Variants in PHF20 observed in about 807,000 individuals in gnomAD.
PHF20 encodes the protein glioma-expressed antigen 2.
Under a neutral mutation model 113.5 loss-of-function variants are expected in PHF20, and 23 were observed. That is an observed-to-expected ratio of 0.20 (90% CI 0.15 to 0.29). The LOEUF (loss-of-function observed/expected upper bound fraction) is 0.29, where lower values mean the gene tolerates loss of function less well. Ranked by LOEUF, PHF20 falls within the 10% of genes least tolerant of loss-of-function variation. PHF20 has a pLI of 1.00. For synonymous variants in PHF20, 434 were observed against 457.3 expected, an observed-to-expected ratio of 0.95 and a Z score of 0.65; for missense variants, 943 against 1,219.6, an observed-to-expected ratio of 0.77 and a Z score of 3.38.
chr20:35,852,914 CT>C (rs780852616), intron 4 of PHF20, among the ~76,000 whole-genome samples: 116 of 141,824 alleles, frequency 8.2e-4, no homozygotes, highest in Middle Eastern at 3.7e-3. Flanking sequence ...TCTTTTTTTC[CT>C]TTTTTTTTTT....
intron 5 of PHF20, among the ~76,000 whole-genome samples, chr20:35,858,904 A>G (rs7264414): frequency 0.1 from 15,251 of 152,114 alleles, 815 homozygotes; most frequent in South Asian, 0.16. Context: ...TTTTTTTTCA[A>G]AAGTGCCAAA....
At chr20:35,925,873 A>AG (rs2055619544) in intron 13 of PHF20, among the ~76,000 whole-genome samples, 1 of 151,974 alleles carries the variant, frequency 6.6e-6, no homozygotes, top group African/African-American at 2.4e-5. Context: ...CTATAATCCC[A>AG]GCACTTTGGG....
chr20:35,822,137 C>G (rs1449038932), intron 2 of PHF20, among the ~76,000 whole-genome samples: 1 of 152,182 alleles, frequency 6.6e-6, no homozygotes, highest in African/African-American at 2.4e-5. Flanking sequence ...AGTGCGGTGG[C>G]TCACGCCTGT....
intron 4 of PHF20, among the ~76,000 whole-genome samples, chr20:35,854,019 G>T (rs944974845): frequency 6.6e-6 from 1 of 152,116 alleles, no homozygotes; most frequent in Non-Finnish European, 1.5e-5. Context: ...CTCCCAAAGT[G>T]CTGGGATTAC....
Position 35,949,157 on chromosome 20 carries a change from C to T in PHF20, c.*1530C>T, listed in dbSNP as rs2056135100. The T allele has an allele frequency of 6.6e-6, 1 of 152,632 alleles. No homozygotes were observed. Among genetic ancestry groups the T allele is most frequent in the South Asian group, 2.1e-4 (1 of 4,836 alleles). 9.5% of individuals were successfully genotyped at this position (152,632 alleles called of 1,614,324 possible). On this transcript the variant is annotated 3_prime_UTR_variant, in exon 18 of 18. Coordinates refer to ENST00000374012, the MANE Select transcript of PHF20 (RefSeq NM_016436.5). ...CTATAGCTGTCCATCAGAGAGAATA[C>T]ACGTGGCTATAACATCTATAACAAA...
chr20:35,918,104 C>G (rs976879099), intron 13 of PHF20, among the ~76,000 whole-genome samples: 8 of 152,098 alleles, frequency 5.3e-5, no homozygotes, highest in African/African-American at 1.7e-4. Flanking sequence ...CTTTATTTTC[C>G]TGACATTTGA....
chr20:35,816,088 C>T (rs1034156028), intron 2 of PHF20, among the ~76,000 whole-genome samples: 1 of 152,118 alleles, frequency 6.6e-6, no homozygotes, highest in Non-Finnish European at 1.5e-5. Context: ...TCCTGAGTAG[C>T]TGGAACTACA....
chr20:35,891,164 G>T (rs971224355), intron 9 of PHF20, among the ~76,000 whole-genome samples: 2 of 152,150 alleles, frequency 1.3e-5, no homozygotes, highest in African/African-American at 4.8e-5. Flanking sequence ...ATCACTTGCA[G>T]TCAGGAGTTT....
chr20:35,921,477 G>A (rs1302069414), intron 13 of PHF20, among the ~76,000 whole-genome samples: 1 of 151,974 alleles, frequency 6.6e-6, no homozygotes, highest in African/African-American at 2.4e-5. Context: ...GAGCCCAGGA[G>A]TTCGAGACCA....
intron 9 of PHF20, chr20:35,878,753 C>T: frequency 1.4e-6 from 1 of 730,934 alleles, no homozygotes; most frequent in East Asian, 2.5e-5. Flanking sequence ...CGCTGTCTTG[C>T]TCTTGTAGGA....
At chr20:35,837,186 GAAACAA>G (rs996739827) in intron 2 of PHF20, among the ~76,000 whole-genome samples, 85 of 151,362 alleles carry the variant, frequency 5.6e-4, no homozygotes, top group African/African-American at 1.8e-3. Context: ...AACAAAACAA[GAAACAA>G]AAACAAAAAC....
chr20:35,886,543 T>A (rs956432737), intron 9 of PHF20, among the ~76,000 whole-genome samples: 7 of 152,222 alleles, frequency 4.6e-5, no homozygotes, highest in Non-Finnish European at 5.9e-5. Flanking sequence ...GGTATCAAAC[T>A]GCTGGGCCAC....
At chr20:35,873,600 C>T (rs1471020823) in intron 9 of PHF20, among the ~76,000 whole-genome samples, 2 of 151,460 alleles carry the variant, frequency 1.3e-5, no homozygotes, top group African/African-American at 2.4e-5. Context: ...TCCTGAGTAG[C>T]TGGGATTATA....
At chr20:35,782,808 A>G (rs1052749076) in intron 1 of PHF20, among the ~76,000 whole-genome samples, 4 of 152,210 alleles carry the variant, frequency 2.6e-5, no homozygotes, top group Admixed American at 2.6e-4. Flanking sequence ...TTCCTCACCC[A>G]AGTATTATCA....
In PHF20 at chr20:35,815,959, A is replaced by G. The variant is rs143747483; in HGVS notation, c.83+14354A>G. 2.6e-3 allele frequency among the ~76,000 whole-genome samples: 399 copies of G among 152,202 alleles called. 2 individuals are homozygous for G. Among genetic ancestry groups the G allele is most frequent in the African/African-American group, 9.1e-3 (377 of 41,556 alleles). ...GATATAATTGACAAAAGGCATTTAT[A>G]TATTTGTTTATTTTTGAGATGGAGA... On this transcript the variant is annotated intron_variant, in intron 2 of 17. Coordinates refer to ENST00000374012, the MANE Select transcript of PHF20 (RefSeq NM_016436.5).
chr20:35,772,690 C>T (rs879703032), intron 1 of PHF20, among the ~76,000 whole-genome samples: 3 of 151,776 alleles, frequency 2.0e-5, no homozygotes, highest in Admixed American at 2.0e-4. Context: ...CCTCTTCCGT[C>T]AGCCCCCAAA....
intron 2 of PHF20, among the ~76,000 whole-genome samples, chr20:35,808,222 A>G (rs1277834862): frequency 6.6e-6 from 1 of 151,820 alleles, no homozygotes; most frequent in Non-Finnish European, 1.5e-5. Context: ...TCTGCTTCTC[A>G]TTTCTTTTCC....
chr20:35,842,263 T>C (rs1042646510), intron 2 of PHF20, among the ~76,000 whole-genome samples: 4 of 152,172 alleles, frequency 2.6e-5, no homozygotes, highest in African/African-American at 9.6e-5. Flanking sequence ...GGAGAATTGC[T>C]TGAACCCAGG....
chr20:35,903,080 T>TCCTATCC (rs1555799699), intron 10 of PHF20, among the ~76,000 whole-genome samples: 25 of 142,170 alleles, frequency 1.8e-4, no homozygotes, highest in African/African-American at 6.4e-4. Context: ...ATCCTTTCTT[T>TCCTATCC]TTTTTTTTTT....
Sources: gnomAD v4.1 joint callset for allele counts (sites outside exome capture counted in the v4.1 genomes callset) on GRCh38, gnomAD v4.1.1 for gene constraint, MANE v1.5 for transcripts, NCBI Gene and HGNC (gene_info 2026-07-23, HGNC 2026-07-21) for gene names.